IMMP2L: variants seen among roughly 807,000 people sequenced by gnomAD.
The protein encoded by IMMP2L is mitochondrial inner membrane protease subunit 2.
Under a neutral mutation model 19.3 loss-of-function variants are expected in IMMP2L, and 18 were observed. That is an observed-to-expected ratio of 0.93 (90% confidence interval 0.64 to 1.38). The LOEUF is 1.38. Ranked by LOEUF, IMMP2L falls within the 40% of genes most tolerant of loss-of-function variation. IMMP2L has a pLI of 0.00. For synonymous variants in IMMP2L, 76 were observed against 73.0 expected (o/e 1.04, Z -0.21); for missense variants, 233 against 218.2 (o/e 1.07, Z -0.43).
At chr7:111,499,911 T>C (rs2132419291) in intron 2 of IMMP2L, among the ~76,000 whole-genome samples, 1 of 152,180 alleles carries the variant, frequency 6.6e-6, no homozygotes, top group South Asian at 2.1e-4. Context: ...TGCATTTCCA[T>C]CTGAGGTACC....
intron 5 of IMMP2L, among the ~76,000 whole-genome samples, chr7:110,713,185 T>C (rs561917706): frequency 6.6e-6 from 1 of 152,304 alleles, no homozygotes; most frequent in Non-Finnish European, 1.5e-5. Flanking sequence ...CCATTGCTTA[T>C]TTTTGTTGGG....
At chr7:111,475,935 T>A (rs1841681978) in intron 3 of IMMP2L, among the ~76,000 whole-genome samples, 1 of 152,086 alleles carries the variant, frequency 6.6e-6, no homozygotes, top group Non-Finnish European at 1.5e-5. Flanking sequence ...CCAATATAGC[T>A]CTTCTTTAAA....
At chr7:110,722,027 G>C (rs1795609417) in intron 5 of IMMP2L, among the ~76,000 whole-genome samples, 1 of 152,076 alleles carries the variant, frequency 6.6e-6, no homozygotes. Context: ...ACTGATGAAG[G>C]TTTAGTGAGA....
At chr7:111,199,664 C>T (rs1175291188) in intron 3 of IMMP2L, among the ~76,000 whole-genome samples, 1 of 152,082 alleles carries the variant, frequency 6.6e-6, no homozygotes, top group Non-Finnish European at 1.5e-5. Flanking sequence ...CACTATCATT[C>T]TGTTTTTTGG....
chr7:111,011,618 T>C (rs1472341883), intron 3 of IMMP2L, among the ~76,000 whole-genome samples: 1 of 152,162 alleles, frequency 6.6e-6, no homozygotes, highest in Non-Finnish European at 1.5e-5. Context: ...TTAGCCAATA[T>C]GATGTGAGAG....
chr7:111,295,452 G>T (rs1821526264), intron 3 of IMMP2L, among the ~76,000 whole-genome samples: 1 of 151,816 alleles, frequency 6.6e-6, no homozygotes, highest in Admixed American at 6.6e-5. Flanking sequence ...GACACAAGTT[G>T]AACAGATTAA....
At chr7:111,209,884 G>C (rs2129618103) in intron 3 of IMMP2L, among the ~76,000 whole-genome samples, 1 of 152,232 alleles carries the variant, frequency 6.6e-6, no homozygotes, top group Non-Finnish European at 1.5e-5. Context: ...TTGATCTCTA[G>C]GCCTCATCTT....
chr7:110,939,874 A>G (rs953768105), intron 4 of IMMP2L, among the ~76,000 whole-genome samples: 1 of 152,174 alleles, frequency 6.6e-6, no homozygotes, highest in Non-Finnish European at 1.5e-5. Flanking sequence ...AGGGAACCCA[A>G]TGCTATATTT....
At chr7:111,037,386 A>G (rs2129570185) in intron 3 of IMMP2L, among the ~76,000 whole-genome samples, 1 of 152,280 alleles carries the variant, frequency 6.6e-6, no homozygotes, top group East Asian at 1.9e-4. Flanking sequence ...AGTAAACATA[A>G]TATAAGAGAA....
At chr7:111,336,870 T>C (rs1826477478) in intron 3 of IMMP2L, among the ~76,000 whole-genome samples, 1 of 151,788 alleles carries the variant, frequency 6.6e-6, no homozygotes, top group African/African-American at 2.4e-5. Flanking sequence ...TGGTACTCAG[T>C]CTTATTTATA....
At chr7:111,150,185 G>A (rs1803920496) in intron 3 of IMMP2L, among the ~76,000 whole-genome samples, 1 of 151,990 alleles carries the variant, frequency 6.6e-6, no homozygotes, top group East Asian at 1.9e-4. Flanking sequence ...TTTGACATAG[G>A]GGTTGACATA....
chr7:111,469,214 T>A (rs1439583162), intron 3 of IMMP2L, among the ~76,000 whole-genome samples: 1 of 152,096 alleles, frequency 6.6e-6, no homozygotes, highest in African/African-American at 2.4e-5. Flanking sequence ...GTTCTTTTGA[T>A]TTAGGATTGA....
chr7:110,949,986 A>C (rs1218242176), intron 4 of IMMP2L, among the ~76,000 whole-genome samples: 1 of 152,108 alleles, frequency 6.6e-6, no homozygotes, highest in Non-Finnish European at 1.5e-5. Context: ...TGAGGGAAAA[A>C]AGTGTTTTTG....
intron 5 of IMMP2L, among the ~76,000 whole-genome samples, chr7:110,814,516 A>G (rs1223958104): frequency 6.6e-6 from 1 of 151,066 alleles, no homozygotes; most frequent in African/African-American, 2.4e-5. Flanking sequence ...GAGCATTTAT[A>G]TCTAAAAAAA....
chr7:111,162,214 C>T (rs1393659694), intron 3 of IMMP2L, among the ~76,000 whole-genome samples: 1 of 151,980 alleles, frequency 6.6e-6, no homozygotes, highest in Non-Finnish European at 1.5e-5. Flanking sequence ...TTACATCTCC[C>T]TAAATGCATT....
At chr7:111,126,649 G>A (rs539554015) in intron 3 of IMMP2L, among the ~76,000 whole-genome samples, 4 of 151,836 alleles carry the variant, frequency 2.6e-5, no homozygotes, top group South Asian at 4.2e-4. Flanking sequence ...GGGAATATAC[G>A]GATTTCACTT....
chr7:111,373,361 T>C (rs1227512388), intron 3 of IMMP2L, among the ~76,000 whole-genome samples: 2 of 151,986 alleles, frequency 1.3e-5, no homozygotes, highest in African/African-American at 4.8e-5. Context: ...CTGGATGAGA[T>C]GTTTGCAAAT....
At position 111,038,615 on chromosome 7, in the gene IMMP2L, C is replaced by A. The variant is rs10282078; in HGVS notation, c.240-75050G>T. Among the ~76,000 whole-genome samples the A allele has an allele frequency of 2.6e-5, 4 of 152,128 alleles. No individual in the cohort carries two copies. In the South Asian group the frequency reaches 8.3e-4, roughly 32 times the overall value. ...GTTCTGGTTTGTTCAGTAAAACAGACCCTTGGGCATAAAACTATACAACTT... is the reference window on the plus strand; with the variant it reads ...GTTCTGGTTTGTTCAGTAAAACAGAACCTTGGGCATAAAACTATACAACTT... On this transcript the variant is annotated intron_variant, in intron 3 of 5. Coordinates refer to ENST00000405709, the MANE Select transcript of IMMP2L (RefSeq NM_032549.4).
intron 5 of IMMP2L, among the ~76,000 whole-genome samples, chr7:110,751,259 C>T (rs908441643): frequency 6.6e-6 from 1 of 151,294 alleles, no homozygotes; most frequent in Non-Finnish European, 1.5e-5. Context: ...AAGCAAATCT[C>T]ATTATATATG....
Sources: allele counts gnomAD v4.1 joint callset (sites outside exome capture counted in the v4.1 genomes callset), GRCh38; gene constraint gnomAD v4.1.1; transcripts MANE v1.5; gene names NCBI Gene and HGNC (gene_info 2026-07-23, HGNC 2026-07-21).